Variants in PPA2 observed in about 807,000 individuals in gnomAD.
The protein encoded by PPA2 is inorganic pyrophosphatase 2, mitochondrial.
PPA2 carries 48 observed loss-of-function variants against 49.5 expected under a neutral mutation model. The ratio of observed to expected loss-of-function variants is 0.97; its 90% CI spans 0.77 to 1.23. PPA2 has a LOEUF of 1.23. Ranked by LOEUF, PPA2 falls within the 50% of genes most tolerant of loss-of-function variation. The pLI, the probability that PPA2 is intolerant of heterozygous loss-of-function variation, is 0.00. For synonymous variants in PPA2, 131 were observed against 139.9 expected, an observed-to-expected ratio of 0.94 and a Z score of 0.45; for missense variants, 429 against 410.1, an observed-to-expected ratio of 1.05 and a Z score of -0.40.
chr4:105,373,513 TG>T (rs1733111918), intron 10 of PPA2, among the ~76,000 whole-genome samples: 1 of 152,190 alleles, frequency 6.6e-6, no homozygotes, highest in Non-Finnish European at 1.5e-5. Context: ...AATTAGCAGC[TG>T]CTTCTTGTTG....
intron 4 of PPA2, chr4:105,447,858 T>C (rs1722475506): frequency 1.2e-5 from 2 of 166,746 alleles, no homozygotes; most frequent in South Asian, 2.5e-4. Flanking sequence ...CTCAGTCTCC[T>C]AAATAGCTGG....
intron 10 of PPA2, among the ~76,000 whole-genome samples, chr4:105,382,331 T>G (rs1447761393): frequency 1.3e-5 from 2 of 152,160 alleles, no homozygotes; most frequent in African/African-American, 4.8e-5. Context: ...TACATATACT[T>G]GAAAAAATTA....
chr4:105,420,296 C>T (rs533999545), intron 7 of PPA2, among the ~76,000 whole-genome samples: 9 of 152,128 alleles, frequency 5.9e-5, no homozygotes, highest in Non-Finnish European at 8.8e-5. Context: ...TTTATAGAAA[C>T]GAAGTCACAC....
intron 9 of PPA2, among the ~76,000 whole-genome samples, chr4:105,388,953 C>T (rs1243316724): frequency 6.6e-6 from 1 of 151,964 alleles, no homozygotes; most frequent in Non-Finnish European, 1.5e-5. Context: ...TTACAAAGTT[C>T]CTTCTATTTA....
At chr4:105,473,593 C>A in intron 1 of PPA2, 2 of 606,764 alleles carry the variant, frequency 3.3e-6, no homozygotes, top group Non-Finnish European at 6.2e-6. Flanking sequence ...GCCGCTTGCA[C>A]TCTGCCTACC....
At chr4:105,435,316 T>C (rs902637498) in intron 6 of PPA2, among the ~76,000 whole-genome samples, 3 of 152,194 alleles carry the variant, frequency 2.0e-5, no homozygotes, top group Non-Finnish European at 4.4e-5. Context: ...AATAAACTTC[T>C]CTGGCTATAA....
At chr4:105,392,501 C>T (rs942105941) in intron 9 of PPA2, among the ~76,000 whole-genome samples, 1 of 151,952 alleles carries the variant, frequency 6.6e-6, no homozygotes, top group African/African-American at 2.4e-5. Flanking sequence ...GGTGAAACCT[C>T]GTCTCTACTA....
At chr4:105,416,186 A>G (rs1397742931) in intron 7 of PPA2, among the ~76,000 whole-genome samples, 1 of 152,220 alleles carries the variant, frequency 6.6e-6, no homozygotes, top group Admixed American at 6.5e-5. Context: ...TGAGGGCTAC[A>G]TATACTTCCA....
At chr4:105,375,138 A>C (rs1195033172) in intron 10 of PPA2, among the ~76,000 whole-genome samples, 1 of 152,124 alleles carries the variant, frequency 6.6e-6, no homozygotes, top group East Asian at 1.9e-4. Context: ...AGAAGACATA[A>C]AAATATTTTA....
chr4:105,377,942 T>G (rs1267543902), intron 10 of PPA2, among the ~76,000 whole-genome samples: 1 of 152,160 alleles, frequency 6.6e-6, no homozygotes, highest in African/African-American at 2.4e-5. Context: ...CATCTACTGA[T>G]GAACATTTGG....
At chr4:105,466,507 A>G (rs1723306779) in intron 1 of PPA2, among the ~76,000 whole-genome samples, 1 of 152,170 alleles carries the variant, frequency 6.6e-6, no homozygotes, top group Non-Finnish European at 1.5e-5. Flanking sequence ...GCAAATCCCT[A>G]TGGCTCTGCA....
chr4:105,376,032 A>G (rs41505250), intron 10 of PPA2, among the ~76,000 whole-genome samples: 4,982 of 152,278 alleles, frequency 0.033, 274 homozygotes, highest in African/African-American at 0.11. Flanking sequence ...GTGTGATTTT[A>G]AGTGCTATTA....
intron 10 of PPA2, among the ~76,000 whole-genome samples, chr4:105,383,498 C>T (rs1218208738): frequency 6.6e-6 from 1 of 152,056 alleles, no homozygotes; most frequent in Non-Finnish European, 1.5e-5. Flanking sequence ...AAATGTTCAC[C>T]CAGCATATAC....
chr4:105,425,136 T>C (rs1723434471), intron 6 of PPA2, among the ~76,000 whole-genome samples: 1 of 152,086 alleles, frequency 6.6e-6, no homozygotes. Flanking sequence ...TAAAAACAAA[T>C]ATTCTTTAAA....
chr4:105,432,122 A>T (rs1723831886), intron 6 of PPA2, among the ~76,000 whole-genome samples: 3 of 152,186 alleles, frequency 2.0e-5, no homozygotes, highest in African/African-American at 7.2e-5. Context: ...ATCACAAATT[A>T]TTTTTGATGA....
chr4:105,398,941 CTATA>C, intron 8 of PPA2, 92 bp downstream of exon 8: 1 of 1,308,360 alleles, frequency 7.6e-7, no homozygotes, highest in African/African-American at 1.5e-5. Context: ...TTTAACCATG[CTATA>C]TATACATATT....
intron 7 of PPA2, among the ~76,000 whole-genome samples, chr4:105,413,490 A>G (rs575100076): frequency 2.0e-5 from 3 of 152,316 alleles, no homozygotes; most frequent in Admixed American, 1.3e-4. Context: ...GAATAAAGGC[A>G]TAAGAAACAT....
At chr4:105,404,847 C>T (rs1004489619) in intron 7 of PPA2, among the ~76,000 whole-genome samples, 11 of 152,054 alleles carry the variant, frequency 7.2e-5, no homozygotes, top group Non-Finnish European at 8.8e-5. Context: ...TTTGGGAGGC[C>T]GAGGCGGGCA....
intron 10 of PPA2, among the ~76,000 whole-genome samples, chr4:105,380,900 T>C (rs1457478637): frequency 1.3e-5 from 2 of 152,134 alleles, no homozygotes; most frequent in Non-Finnish European, 2.9e-5. Context: ...CTCTGTAAGA[T>C]GTGTACCTAG....
Sources: allele counts gnomAD v4.1 joint callset (sites outside exome capture counted in the v4.1 genomes callset), GRCh38; gene constraint gnomAD v4.1.1; transcripts MANE v1.5; gene names NCBI Gene and HGNC (gene_info 2026-07-23, HGNC 2026-07-21).